Variants in IGFBP3 observed in about 807,000 individuals in gnomAD.
IGFBP3 encodes insulin like growth factor binding protein 3, also known as insulin-like growth factor-binding protein 3.
A neutral mutation model predicts 28.6 loss-of-function variants in IGFBP3; 9 were observed. That is an observed-to-expected ratio of 0.31 (90% CI 0.19 to 0.55). The LOEUF (loss-of-function observed/expected upper bound fraction) is 0.55. Among genes scored for constraint, IGFBP3 ranks in the 20% least tolerant of loss-of-function variants. The pLI is 0.93. For missense variants in IGFBP3, 382 were observed against 428.9 expected, an observed-to-expected ratio of 0.89 and a Z score of 0.97; for synonymous variants, 185 against 188.2, an observed-to-expected ratio of 0.98 and a Z score of 0.14.
In IGFBP3 at chr7:45,912,421, T is replaced by C. The variant is rs987241445; in HGVS notation, c.*1429A>G. 4 of 152,084 alleles carry C rather than the reference T, an allele frequency of 2.6e-5. No individual in the cohort carries two copies. The highest frequency in any genetic ancestry group is 2.6e-4 in the Admixed American group (4 of 15,282). 9.4% of individuals were successfully genotyped at this position (152,084 alleles called of 1,614,324 possible). On this transcript the variant is annotated 3_prime_UTR_variant, in exon 5 of 5. Transcript: ENST00000613132. The stretch of plus-strand genomic sequence containing the variant: ...GCAAGACAAACTTCTCAAAAATACT[T>C]TTCCCCCCAAAAAGTTAAAAAAATA...
At chr7:45,916,427 G>A (rs1252342665) in intron 3 of IGFBP3, 121 bp downstream of exon 3, 4 of 945,616 alleles carry the variant, frequency 4.2e-6, no homozygotes, top group Non-Finnish European at 6.3e-6. Context: ...CAAGTCCTGG[G>A]CACTGGTGCT....
chr7:45,917,494 CTT>C lies in IGFBP3; in HGVS notation c.404-57_404-56del, dbSNP rs531296110. 61 of 1,419,244 alleles carry C rather than the reference CTT, an allele frequency of 4.3e-5. 1 individual carries two copies. The South Asian group carries it at 7.0e-4, about 16-fold the overall frequency. 87.9% of individuals were successfully genotyped at this position (1,419,244 alleles called of 1,614,324 possible). On this transcript the variant is annotated intron_variant, in intron 1 of 4. Coordinates refer to ENST00000613132, the MANE Select transcript of IGFBP3 (RefSeq NM_000598.5). The stretch of plus-strand genomic sequence containing the variant: ...GAGAGTCATCAATATCTATCACAGT[CTT>C]TTAAAAATCTTAACGTTGCAACCAG...
intron 3 of IGFBP3, 87 bp from the exon 4 acceptor site, chr7:45,915,032 C>T (rs911063711): frequency 2.0e-5 from 30 of 1,474,654 alleles, no homozygotes; most frequent in Middle Eastern, 1.8e-4. Context: ...GGTTTGCCAG[C>T]GTGACTCTGC....
At chr7:45,915,814 G>A (rs2515697) in intron 3 of IGFBP3, among the ~76,000 whole-genome samples, 1 of 152,200 alleles carries the variant, frequency 6.6e-6, no homozygotes, top group South Asian at 2.1e-4. Context: ...ATGCCAGTGA[G>A]TCGGAGGAAG....
chr7:45,916,065 G>A (rs939575696), intron 3 of IGFBP3, among the ~76,000 whole-genome samples: 1 of 152,190 alleles, frequency 6.6e-6, no homozygotes, highest in African/African-American at 2.4e-5. Context: ...TCTTAATATT[G>A]CAACCTGCTC....
At position 45,912,426 on chromosome 7, in the gene IGFBP3, C is replaced by T. The variant is rs1784556658; in HGVS notation, c.*1424G>A. The T allele has an allele frequency of 6.6e-6, 1 of 151,880 alleles. No individual in the cohort carries two copies. Among genetic ancestry groups the T allele is most frequent in the African/African-American group, 2.4e-5 (1 of 41,322 alleles). 9.4% of individuals were successfully genotyped at this position (151,880 alleles called of 1,614,324 possible). A position where few individuals can be genotyped will look rare whatever the true frequency, so the allele number is the denominator to read the frequency against. On this transcript the variant is annotated 3_prime_UTR_variant, in exon 5 of 5. Coordinates refer to ENST00000613132, the MANE Select transcript of IGFBP3 (RefSeq NM_000598.5). ...ACAAACTTCTCAAAAATACTTTTCC[C>T]CCCAAAAAGTTAAAAAAATAAAGAA...
intron 4 of IGFBP3, 195 bp downstream of exon 4, chr7:45,914,610 G>C (rs1291845470): frequency 2.6e-5 from 13 of 499,304 alleles, no homozygotes; most frequent in Non-Finnish European, 4.6e-5. Flanking sequence ...CACTTGTTTG[G>C]TTGGGTTGAT....
chr7:45,918,486 C>T (rs1784642761), intron 1 of IGFBP3, among the ~76,000 whole-genome samples: 1 of 152,220 alleles, frequency 6.6e-6, no homozygotes, highest in South Asian at 2.1e-4. Context: ...CTTGGAGGGG[C>T]TGTAAGACCG....
Position 45,921,092 on chromosome 7 carries a change from C to G in IGFBP3, c.49G>C (p.Val17Leu). The change falls in exon 1 of 5, where the codon GTG becomes CTG. Residue 17 changes from valine (V) to leucine (L), a missense_variant. By Grantham distance (32) the Val-to-Leu change is conservative (BLOSUM62 1). Transcript: ENST00000613132. ...TLWAAALTLLVLLRGPPVARA... is the reference protein window; with the variant it reads ...TLWAAALTLLLLLRGPPVARA... ...GCCACCGGCGGCCCGCGGAGCAGCA[C>G]CAGCAGAGTCAGCGCAGCGGCCCAG... 1 of 1,483,970 alleles carries G rather than the reference C, an allele frequency of 6.7e-7. No homozygotes were observed. The highest frequency in any genetic ancestry group is 8.9e-7 in the Non-Finnish European group (1 of 1,124,186). 91.9% of individuals were successfully genotyped at this position (1,483,970 alleles called of 1,614,324 possible).
chr7:45,916,512 AGAAGAG>A (rs1399567247), intron 3 of IGFBP3, 30 bp downstream of exon 3: 1 of 1,596,342 alleles, frequency 6.3e-7, no homozygotes, highest in East Asian at 2.3e-5. Flanking sequence ...CTGTGTCAAC[AGAAGAG>A]GAAGAAAACA....
At chr7:45,914,690 T>G in intron 4 of IGFBP3, 115 bp downstream of exon 4, 1 of 997,172 alleles carries the variant, frequency 1.0e-6, no homozygotes, top group Non-Finnish European at 1.5e-6. Context: ...GGCCCTGAGC[T>G]GCAGCTCCTG....
intron 1 of IGFBP3, among the ~76,000 whole-genome samples, chr7:45,917,798 G>A (rs973820043): frequency 6.6e-6 from 1 of 152,168 alleles, no homozygotes; most frequent in African/African-American, 2.4e-5. Flanking sequence ...CTGCTGCAGC[G>A]CCGGCTCAGA....
Position 45,920,820 on chromosome 7 carries a change from C to T in IGFBP3, c.321G>A (p.Leu107=), listed in dbSNP as rs1343845329. 6.4e-6 allele frequency: 9 copies of T among 1,404,796 alleles called. No homozygotes were observed. Among genetic ancestry groups the T allele is most frequent in the Non-Finnish European group, 8.3e-6 (9 of 1,088,328 alleles). The allele number at this position is 1,404,796 out of a possible 1,614,324, so 87.0% of individuals were successfully genotyped here. A position where few individuals can be genotyped will look rare whatever the true frequency, so the allele number is the denominator to read the frequency against. ...TGACGCAGAGCCCGCGGCCGTCCAG[C>T]AGCGCCTGCAGCGGTCGCGCCTCGT... ...SPDEARPLQA[L]LDGRGLCVNA... is the part of the protein sequence containing the mutation. The change falls in exon 1 of 5, where the codon CTG becomes CTA. Residue 107 remains leucine, a synonymous_variant. Transcript: ENST00000613132.
At position 45,920,994 on chromosome 7, in the gene IGFBP3, G is replaced by A; in HGVS notation, c.147C>T (p.Ala49=). ...ACACGGCGGGCGGAGGCGCGCACTGGGCCAGTGCACGCGCGTCGCACGGCT... is the reference window on the plus strand; with the variant it reads ...ACACGGCGGGCGGAGGCGCGCACTGAGCCAGTGCACGCGCGTCGCACGGCT... ...RCEPCDARAL[A]QCAPPPAVCA... is the part of the protein sequence containing the mutation. The change falls in exon 1 of 5, where the codon GCC becomes GCT. Residue 49 remains alanine, a synonymous_variant. Coordinates refer to ENST00000613132, the MANE Select transcript of IGFBP3 (RefSeq NM_000598.5). 4 of 1,374,196 alleles carry A rather than the reference G, an allele frequency of 2.9e-6. No homozygotes were observed. The highest frequency in any genetic ancestry group is 2.7e-4 in the Middle Eastern group (1 of 3,748). The allele number at this position is 1,374,196 out of a possible 1,614,324, so 85.1% of individuals were successfully genotyped here.
At chr7:45,915,870 G>A (rs1444456692) in intron 3 of IGFBP3, among the ~76,000 whole-genome samples, 1 of 152,174 alleles carries the variant, frequency 6.6e-6, no homozygotes, top group East Asian at 1.9e-4. Context: ...AGCATGGACC[G>A]AGTGTCTGAT....
Position 45,918,729 on chromosome 7 carries a change from C to T in IGFBP3, c.404-1290G>A, listed in dbSNP as rs139454827. On this transcript the variant is annotated intron_variant, in intron 1 of 4. Coordinates refer to ENST00000613132, the MANE Select transcript of IGFBP3 (RefSeq NM_000598.5). ...ATGATTTGGCTGCAGATGCTCTGCT[C>T]TCCCCTGGAAGTGGCTACTGGCAGG... Among the ~76,000 whole-genome samples, 617 of 152,338 alleles carry T rather than the reference C, an allele frequency of 4.1e-3. 1 individual carries two copies. Among genetic ancestry groups the T allele is most frequent in the Non-Finnish European group, 6.8e-3 (462 of 68,024 alleles).
intron 1 of IGFBP3, among the ~76,000 whole-genome samples, chr7:45,917,643 T>A (rs938557571): frequency 9.9e-5 from 15 of 152,116 alleles, no homozygotes; most frequent in Admixed American, 7.9e-4. Flanking sequence ...CTCAAGAAGT[T>A]ATCTGTTTGA....
rs751144891 is a variant in IGFBP3, at chr7:45,921,119, G to C, written c.22C>G (p.Leu8Val). 185 of 1,496,578 alleles carry C rather than the reference G, an allele frequency of 1.2e-4. No homozygotes were observed. The highest frequency in any genetic ancestry group is 1.9e-4 in the Admixed American group (9 of 47,368). 92.7% of individuals were successfully genotyped at this position (1,496,578 alleles called of 1,614,324 possible). The change falls in exon 1 of 5, where the codon CTC (leucine) becomes GTC (valine). Residue 8 changes from leucine to valine, a missense_variant. By Grantham distance (32) the Leu-to-Val change is conservative. Transcript: ENST00000613132. ...AGCAGAGTCAGCGCAGCGGCCCAGA[G>C]CGTGGGTCGCGCCCGCTGCATGACG... is the stretch of plus-strand genomic sequence containing the variant. MQRARPTLWAAALTLLVL... is the reference protein window; with the variant it reads MQRARPTVWAAALTLLVL...
At chr7:45,915,537 A>G (rs1562580336) in intron 3 of IGFBP3, among the ~76,000 whole-genome samples, 1 of 152,232 alleles carries the variant, frequency 6.6e-6, no homozygotes, top group Admixed American at 6.5e-5. Flanking sequence ...TAGAAAGCCA[A>G]TTGAAATAGT....
Sources: allele counts gnomAD v4.1 joint callset (sites outside exome capture counted in the v4.1 genomes callset), GRCh38; gene constraint gnomAD v4.1.1; transcripts MANE v1.5; gene names NCBI Gene and HGNC (gene_info 2026-07-23, HGNC 2026-07-21).